The following LRRC4C variants were observed in gnomAD, a reference collection of about 807,000 sequenced individuals.
The protein encoded by LRRC4C is leucine rich repeat containing 4C.
LRRC4C carries 5 observed loss-of-function variants against 33.6 expected under a neutral mutation model. The observed-to-expected ratio is 0.15, with a 90% CI of 0.08 to 0.31. LRRC4C has a LOEUF of 0.31. Among genes scored for constraint, LRRC4C ranks in the 10% least tolerant of loss-of-function variants. The probability of loss-of-function intolerance (pLI) is 1.00; values close to 1 mark genes in which losing one functional copy is unlikely to be tolerated. For missense variants in LRRC4C, 560 were observed against 796.7 expected (o/e 0.70, Z 3.58); for synonymous variants, 329 against 302.0 (o/e 1.09, Z -0.93).
intron 3 of LRRC4C, among the ~76,000 whole-genome samples, chr11:40,610,555 C>T (rs1283331587): frequency 7.0e-6 from 1 of 142,546 alleles, no homozygotes; most frequent in Non-Finnish European, 1.6e-5. Context: ...TAACAAAAAG[C>T]GTTCAAATAA....
intron 2 of LRRC4C, among the ~76,000 whole-genome samples, chr11:40,771,438 AG>A (rs1949752718): frequency 6.6e-6 from 1 of 152,150 alleles, no homozygotes; most frequent in Admixed American, 6.5e-5. Context: ...CTATGATGGG[AG>A]GGGCTGCTGT....
At chr11:41,127,104 G>A (rs1355200103) in intron 1 of LRRC4C, among the ~76,000 whole-genome samples, 2 of 151,988 alleles carry the variant, frequency 1.3e-5, no homozygotes, top group African/African-American at 4.8e-5. Flanking sequence ...AAATTTCTCT[G>A]AGACAGTATT....
chr11:40,500,631 G>C (rs2902098), intron 3 of LRRC4C, among the ~76,000 whole-genome samples: 79,089 of 151,664 alleles, frequency 0.52, 21,172 homozygotes, highest in East Asian at 0.79. Context: ...GACTTATTCA[G>C]TACCACAGGT....
At chr11:40,173,555 G>T (rs887210640) in intron 5 of LRRC4C, among the ~76,000 whole-genome samples, 1 of 152,054 alleles carries the variant, frequency 6.6e-6, no homozygotes, top group African/African-American at 2.4e-5. Flanking sequence ...GCTTGTACTT[G>T]TCTATGCATC....
chr11:40,429,527 T>G (rs1481104591), intron 3 of LRRC4C, among the ~76,000 whole-genome samples: 2 of 151,378 alleles, frequency 1.3e-5, no homozygotes, highest in Admixed American at 1.3e-4. Context: ...TAAGGATTCA[T>G]CATGGATCTC....
chr11:41,081,564 T>A (rs1236882009), intron 1 of LRRC4C, among the ~76,000 whole-genome samples: 2 of 152,142 alleles, frequency 1.3e-5, no homozygotes, highest in African/African-American at 4.8e-5. Context: ...CAACCTTGGT[T>A]TCGGTTTAGC....
intron 2 of LRRC4C, among the ~76,000 whole-genome samples, chr11:40,670,920 C>T (rs570067150): frequency 6.6e-6 from 1 of 152,226 alleles, no homozygotes; most frequent in South Asian, 2.1e-4. Flanking sequence ...CCCGCCACCA[C>T]GCCCTGCTAA....
intron 3 of LRRC4C, among the ~76,000 whole-genome samples, chr11:40,465,859 G>C (rs915258856): frequency 6.6e-6 from 1 of 152,014 alleles, no homozygotes; most frequent in African/African-American, 2.4e-5. Flanking sequence ...ATGGACAACA[G>C]TGTGGAGATT....
intron 2 of LRRC4C, among the ~76,000 whole-genome samples, chr11:40,837,890 A>C (rs905616979): frequency 7.4e-6 from 1 of 134,618 alleles, no homozygotes; most frequent in African/African-American, 3.4e-5. Flanking sequence ...CTTAAACTAT[A>C]TATATATATA....
At chr11:40,269,288 GA>G (rs1397331098) in intron 4 of LRRC4C, among the ~76,000 whole-genome samples, 1 of 152,082 alleles carries the variant, frequency 6.6e-6, no homozygotes. Context: ...TAAATATCAT[GA>G]AGACTAATAA....
rs138310186 is a variant in LRRC4C at position 40,569,934 on chromosome 11, C to T, written c.-270+78208G>A. Among the ~76,000 whole-genome samples the T allele has an allele frequency of 6.3e-3, 959 of 151,526 alleles. 16 individuals carry two copies. The highest frequency in any genetic ancestry group is 0.022 in the African/African-American group (909 of 41,288). On this transcript the variant is annotated intron_variant, in intron 3 of 6. Transcript: ENST00000528697. ...TGAGAAATATTCATAAAAGGTTTACCGAGTAAAAATAAATCAGTTTGCTCC... is the reference window on the plus strand; with the variant it reads ...TGAGAAATATTCATAAAAGGTTTACTGAGTAAAAATAAATCAGTTTGCTCC...
At chr11:40,248,115 C>A (rs7930449) in intron 4 of LRRC4C, among the ~76,000 whole-genome samples, 26,586 of 152,106 alleles carry the variant, frequency 0.17, 2,682 homozygotes, top group Admixed American at 0.28. Flanking sequence ...TGCTCCCCTA[C>A]CTAGGATGCC....
chr11:41,024,944 T>C (rs1856239428), intron 1 of LRRC4C, among the ~76,000 whole-genome samples: 1 of 151,650 alleles, frequency 6.6e-6, no homozygotes, highest in African/African-American at 2.4e-5. Context: ...ATATCTGTTA[T>C]GGTGATCTGG....
intron 1 of LRRC4C, among the ~76,000 whole-genome samples, chr11:41,366,188 A>G (rs1372698622): frequency 7.3e-6 from 1 of 137,364 alleles, no homozygotes; most frequent in Non-Finnish European, 1.5e-5. Context: ...CTAGATAGAT[A>G]GATAGATAGA....
chr11:40,499,040 T>C (rs1954611611), intron 3 of LRRC4C, among the ~76,000 whole-genome samples: 2 of 152,164 alleles, frequency 1.3e-5, no homozygotes, highest in African/African-American at 4.8e-5. Flanking sequence ...TATTATGACT[T>C]AAAGTTTAGA....
At chr11:41,286,614 TC>T (rs1949836373) in intron 1 of LRRC4C, among the ~76,000 whole-genome samples, 1 of 149,358 alleles carries the variant, frequency 6.7e-6, no homozygotes, top group South Asian at 2.1e-4. Flanking sequence ...CTTGGGCCTG[TC>T]AGGTAATGTT....
chr11:41,400,066 G>T (rs1204494146), intron 1 of LRRC4C, among the ~76,000 whole-genome samples: 1 of 151,870 alleles, frequency 6.6e-6, no homozygotes, highest in African/African-American at 2.4e-5. Flanking sequence ...TCTCATGCAA[G>T]AATTACACAA....
At chr11:41,299,333 C>G (rs2922028) in intron 1 of LRRC4C, among the ~76,000 whole-genome samples, 150,280 of 152,248 alleles carry the variant, frequency 0.99, 74,206 homozygotes, top group Middle Eastern at 1. Context: ...TTGTAAACAA[C>G]TTTAGCATTC....
intron 1 of LRRC4C, among the ~76,000 whole-genome samples, chr11:41,415,349 C>T (rs556593699): frequency 6.6e-6 from 1 of 152,074 alleles, no homozygotes; most frequent in Non-Finnish European, 1.5e-5. Context: ...TGAGGTTTGC[C>T]TCTTCATAGT....
Sources: gnomAD v4.1 joint callset for allele counts (sites outside exome capture counted in the v4.1 genomes callset) on GRCh38, gnomAD v4.1.1 for gene constraint, MANE v1.5 for transcripts, NCBI Gene and HGNC (gene_info 2026-07-23, HGNC 2026-07-21) for gene names.